FHIP1B: variants seen among roughly 807,000 people sequenced by gnomAD.
The protein encoded by FHIP1B is FHF complex subunit HOOK-interacting protein 1B.
A neutral mutation model predicts 82.2 loss-of-function variants in FHIP1B; 28 were observed. The observed-to-expected ratio is 0.34, with a 90% CI of 0.25 to 0.47. The LOEUF is 0.47. Ranked by LOEUF, FHIP1B falls within the 20% of genes least tolerant of loss-of-function variation. FHIP1B has a pLI of 1.00. For missense variants in FHIP1B, 1,110 were observed against 1,262.6 expected, an observed-to-expected ratio of 0.88 and a Z score of 1.83; for synonymous variants, 585 against 516.1, an observed-to-expected ratio of 1.13 and a Z score of -1.81.
In FHIP1B at chr11:6,218,635, C is replaced by G; in HGVS notation, c.1400G>C (p.Ser467Thr). The G allele has an allele frequency of 1.2e-6, 2 of 1,614,142 alleles. No individual in the cohort carries two copies. The highest frequency in any genetic ancestry group is 3.3e-5 in the Admixed American group (2 of 60,016). ...TGAGGCATGCTCTGGACGAGGTGGGCTGGGGGCGTGGTGCCGACAACAGCG... is the reference window on the plus strand; with the variant it reads ...TGAGGCATGCTCTGGACGAGGTGGGGTGGGGGCGTGGTGCCGACAACAGCG... ...IPRCCRHHAP[S>T]PPRPEHASWA... The change falls in exon 8 of 12, where the codon AGC becomes ACC. Residue 467 changes from serine (S) to threonine (T), a missense_variant. By Grantham distance (58) the Ser-to-Thr change is moderately conservative. Coordinates refer to ENST00000449352, the MANE Select transcript of FHIP1B (RefSeq NM_001098794.2).
Position 6,223,149 on chromosome 11 carries a change from T to G in FHIP1B, c.867A>C (p.Glu289Asp). 6.2e-7 allele frequency: 1 copy of G among 1,608,170 alleles called. No homozygotes were observed. The highest frequency in any genetic ancestry group is 8.5e-7 in the Non-Finnish European group (1 of 1,178,534). ...PGDDWHCLRR[E>D]DWLGVPALAL... ...CAAGGGCTGGCACTCCCAGCCAGTC[T>G]TCCCGTCGCAGACAGTGCCAATCAT... Residue 289 changes from glutamate to aspartate, a missense_variant, in exon 4 of 12, where the codon GAA becomes GAC. Glu to Asp is a conservative substitution (Grantham distance 45). Coordinates refer to ENST00000449352, the MANE Select transcript of FHIP1B (RefSeq NM_001098794.2). This position sits in a 1 kb window ranked among gnomAD's most constrained non-coding sequence, Gnocchi z 4.8.
chr11:6,211,721 T>G lies in FHIP1B; in HGVS notation c.2704A>C (p.Thr902Pro). 6.2e-7 allele frequency: 1 copy of G among 1,614,132 alleles called. No homozygotes were observed. The highest frequency in any genetic ancestry group is 8.5e-7 in the Non-Finnish European group (1 of 1,180,018). Residue 902 changes from threonine (T) to proline (P), a missense_variant, in exon 12 of 12, where the codon ACT (threonine) becomes CCT (proline). This residue lies in a region of FHIP1B where 147 missense variants were observed against 154.0 expected (regional missense o/e 0.95). Transcript: ENST00000449352. The stretch of plus-strand genomic sequence containing the variant: ...CCGCCCCGGGTGAGTAGAACTGGAG[T>G]TGAAGCCCCAGGGGAGCCCCCACTT... ...GLSGGSPGASTPVLLTRGGAP... is the reference protein window; with the variant it reads ...GLSGGSPGASPPVLLTRGGAP...
At position 6,217,756 on chromosome 11, in the gene FHIP1B, C is replaced by T. The variant is rs1847281811; in HGVS notation, c.1830G>A (p.Glu610=). Residue 610 remains glutamate (E), a synonymous_variant, in exon 9 of 12, where the codon GAG becomes GAA. Coordinates refer to ENST00000449352, the MANE Select transcript of FHIP1B (RefSeq NM_001098794.2). ...EEDRNNVGEG[E]EEELGRRGRA... is the part of the protein sequence containing the mutation. ...GCCCCCTCCTCCCCAGCTCTTCCTCCTCCCCTTCCCCCACGTTGTTCCTGT... is the reference window on the plus strand; with the variant it reads ...GCCCCCTCCTCCCCAGCTCTTCCTCTTCCCCTTCCCCCACGTTGTTCCTGT... 1 of 1,606,738 alleles carries T rather than the reference C, an allele frequency of 6.2e-7. No homozygotes were observed. The highest frequency in any genetic ancestry group is 8.5e-7 in the Non-Finnish European group (1 of 1,176,010).
Position 6,211,801 on chromosome 11 carries a change from C to T in FHIP1B, c.2624G>A (p.Arg875Gln), listed in dbSNP as rs766553539. The T allele has an allele frequency of 5.6e-6, 9 of 1,612,724 alleles. No homozygotes were observed. The highest frequency in any genetic ancestry group is 3.3e-5 in the South Asian group (3 of 90,926). Residue 875 changes from arginine (R) to glutamine (Q), a missense_variant, in exon 12 of 12, where the codon CGG (arginine) becomes CAG (glutamine). By Grantham distance (43) the Arg-to-Gln change is conservative. Transcript: ENST00000449352. ...CTGAAGGACCAATTGTGCCGCCTGCCGGGCCCTGGTTGGACTGTGTGCATG... is the reference window on the plus strand; with the variant it reads ...CTGAAGGACCAATTGTGCCGCCTGCTGGGCCCTGGTTGGACTGTGTGCATG... Reference protein sequence around the residue: ...LRHAHSPTRARQAAQLVLQPG... With the variant: ...LRHAHSPTRAQQAAQLVLQPG...
At chr11:6,222,635 G>A in intron 5 of FHIP1B, 26 bp from the exon 6 acceptor site, 3 of 1,611,570 alleles carry the variant, frequency 1.9e-6, no homozygotes, top group Non-Finnish European at 2.5e-6. Context: ...GGAAAGTCTG[G>A]AAATGCACAG....
chr11:6,223,157 G>C lies in FHIP1B; in HGVS notation c.859C>G (p.Arg287Gly). The C allele has an allele frequency of 6.2e-7, 1 of 1,608,664 alleles. No homozygotes were observed. Among genetic ancestry groups the C allele is most frequent in the Non-Finnish European group, 8.5e-7 (1 of 1,178,676 alleles). ...EVPGDDWHCL[R>G]REDWLGVPAL... ...GGCACTCCCAGCCAGTCTTCCCGTC[G>C]CAGACAGTGCCAATCATCCCCTGGA... The change falls in exon 4 of 12, where the codon CGA becomes GGA. Residue 287 changes from arginine (R) to glycine (G), a missense_variant. Around this residue, in one of 6 missense-constraint regions of FHIP1B, gnomAD observed 467 missense variants for 602.9 expected, o/e 0.77. Coordinates refer to ENST00000449352, the MANE Select transcript of FHIP1B (RefSeq NM_001098794.2). The surrounding 1 kb of genome is among the most constrained non-coding windows in gnomAD (Gnocchi z 4.8).
chr11:6,231,367 G>A (rs1324458053), intron 1 of FHIP1B, among the ~76,000 whole-genome samples: 3 of 151,676 alleles, frequency 2.0e-5, no homozygotes, highest in Non-Finnish European at 4.4e-5. Flanking sequence ...TTAATTTTGA[G>A]ATACTTGTGG....
At chr11:6,224,931 G>A (rs1564868349) in intron 1 of FHIP1B, among the ~76,000 whole-genome samples, 1 of 152,120 alleles carries the variant, frequency 6.6e-6, no homozygotes, top group Non-Finnish European at 1.5e-5. Context: ...TAACCTAAAT[G>A]CTCAAGCTGA....
In FHIP1B at chr11:6,223,252, C is replaced by A. The variant is rs946176608; in HGVS notation, c.778-14G>T. ...TGTGGCCAGCACCTATGAGAAGTTA[C>A]CAAAAGCTCATATATAAAATACATT... On this transcript the variant is annotated splice_polypyrimidine_tract_variant and intron_variant, in intron 3 of 11. Transcript: ENST00000449352. This position sits in a 1 kb window ranked among gnomAD's most constrained non-coding sequence, Gnocchi z 4.8. 25 of 1,580,462 alleles carry A rather than the reference C, an allele frequency of 1.6e-5. No individual in the cohort carries two copies. Among genetic ancestry groups the A allele is most frequent in the Non-Finnish European group, 2.0e-5 (24 of 1,171,770 alleles).
At chr11:6,222,703 A>G (rs1283564148) in intron 5 of FHIP1B, 94 bp from the exon 6 acceptor site, 2 of 1,558,706 alleles carry the variant, frequency 1.3e-6, no homozygotes, top group Non-Finnish European at 1.8e-6. Flanking sequence ...AGGAGCAGAC[A>G]GGGCAAAAGG....
rs912109502 is a variant in FHIP1B at position 6,216,029 on chromosome 11, G to GA, written c.2216-1119dup. On this transcript the variant is annotated intron_variant, in intron 9 of 11. Coordinates refer to ENST00000449352, the MANE Select transcript of FHIP1B (RefSeq NM_001098794.2). The stretch of plus-strand genomic sequence containing the variant: ...CCTTTCATTTCCTGGAAGTTTCTTG[G>GA]AAAAAAAAAATTGAAAAGCTCAGAT... Among the ~76,000 whole-genome samples the GA allele has an allele frequency of 2.1e-4, 31 of 149,232 alleles. No homozygotes were observed. In the East Asian group the frequency reaches 2.1e-3, roughly 10 times the overall value.
Position 6,223,919 on chromosome 11 carries a change from G to A in FHIP1B, c.468C>T (p.Leu156=), listed in dbSNP as rs758547432. The A allele has an allele frequency of 2.5e-6, 4 of 1,614,214 alleles. No homozygotes were observed. The highest frequency in any genetic ancestry group is 4.5e-5 in the East Asian group (2 of 44,876). ...GGCGGCCACAGGCATCCAGCAGGGT[G>A]AGCAGAGCCTCACGAACTGGACCAT... ...LRHGPVREAL[L]TLLDACGRPV... The change falls in exon 3 of 12, where the codon CTC becomes CTT. Residue 156 remains leucine, a synonymous_variant. Coordinates refer to ENST00000449352, the MANE Select transcript of FHIP1B (RefSeq NM_001098794.2). The surrounding 1 kb of genome is among the most constrained non-coding windows in gnomAD (Gnocchi z 4.8).
intron 6 of FHIP1B, 65 bp downstream of exon 6, chr11:6,222,377 A>G (rs200051589): frequency 6.0e-5 from 95 of 1,572,040 alleles, no homozygotes; most frequent in Admixed American, 1.5e-4. Flanking sequence ...ATACCCTCCC[A>G]GAACAAAGGT....
At chr11:6,231,176 T>C (rs185839034) in intron 1 of FHIP1B, among the ~76,000 whole-genome samples, 4 of 152,288 alleles carry the variant, frequency 2.6e-5, no homozygotes, top group East Asian at 1.9e-4. Flanking sequence ...AATGGAGATA[T>C]AGAGAAGAGA....
rs778952177 is a variant in FHIP1B, at chr11:6,222,856, G to A, written c.978C>T (p.Ile326=). 1 of 1,614,146 alleles carries A rather than the reference G, an allele frequency of 6.2e-7. No individual in the cohort carries two copies. Among genetic ancestry groups the A allele is most frequent in the Non-Finnish European group, 8.5e-7 (1 of 1,180,026 alleles). The part of the protein sequence containing the change: ...PLVQKQLVDY[I]HNGFLVPVMG... Reference sequence around the variant, plus strand: ...TGACAGGCACCAGGAACCCATTATGGATATAATCAACCAACTGCTTCTGCA... The same window carrying A: ...TGACAGGCACCAGGAACCCATTATGAATATAATCAACCAACTGCTTCTGCA... The change falls in exon 5 of 12, where the codon ATC becomes ATT. Residue 326 remains isoleucine, a synonymous_variant. Transcript: ENST00000449352.
chr11:6,216,993 A>G lies in FHIP1B; in HGVS notation c.2215+378T>C, dbSNP rs1847245781. 6.0e-6 allele frequency: 4 copies of G among 662,892 alleles called. No individual in the cohort carries two copies. The South Asian group carries it at 6.8e-5, about 11-fold the overall frequency. 41.1% of individuals were successfully genotyped at this position (662,892 alleles called of 1,614,324 possible). A position where few individuals can be genotyped will look rare whatever the true frequency, so the allele number is the denominator to read the frequency against. ...AGAGTGTTTAGGTGCCTCTCCATAC[A>G]GGACAGCACATACGTCTTCAATATG... On this transcript the variant is annotated intron_variant, in intron 9 of 11. Coordinates refer to ENST00000449352, the MANE Select transcript of FHIP1B (RefSeq NM_001098794.2).
Position 6,224,209 on chromosome 11 carries a change from G to C in FHIP1B, c.178C>G (p.Pro60Ala). 1 of 1,611,382 alleles carries C rather than the reference G, an allele frequency of 6.2e-7. No homozygotes were observed. ...ILERQGPRAA[P>A]GGADDLSAVR... ...GCACTGAGATCGTCTGCACCCCCAG[G>C]AGCTGCCCGAGGGCCTTGCCGCTCC... Residue 60 changes from proline to alanine, a missense_variant, in exon 3 of 12, where the codon CCT (proline) becomes GCT (alanine). Physicochemically the swap from Pro to Ala is conservative, Grantham distance 27. Coordinates refer to ENST00000449352, the MANE Select transcript of FHIP1B (RefSeq NM_001098794.2).
rs1337434558 is a variant in FHIP1B at position 6,222,865 on chromosome 11, A to C, written c.969T>G (p.Val323=). Reference sequence around the variant, plus strand: ...CCAGGAACCCATTATGGATATAATCAACCAACTGCTTCTGCACCAGGGGGT... The same window carrying C: ...CCAGGAACCCATTATGGATATAATCCACCAACTGCTTCTGCACCAGGGGGT... ...VAHPLVQKQL[V]DYIHNGFLVP... Residue 323 remains valine, a synonymous_variant, in exon 5 of 12, where the codon GTT becomes GTG. Coordinates refer to ENST00000449352, the MANE Select transcript of FHIP1B (RefSeq NM_001098794.2). 25 of 1,614,022 alleles carry C rather than the reference A, an allele frequency of 1.5e-5. No homozygotes were observed. The highest frequency in any genetic ancestry group is 2.0e-5 in the Non-Finnish European group (24 of 1,180,022).
intron 9 of FHIP1B, chr11:6,216,716 C>G (rs1051523224): frequency 3.9e-6 from 1 of 257,200 alleles, no homozygotes; most frequent in Non-Finnish European, 7.5e-6. Flanking sequence ...CTCAGGGCCA[C>G]GCTTTGTCAT....
Sources: allele counts gnomAD v4.1 joint callset (sites outside exome capture counted in the v4.1 genomes callset), GRCh38; gene constraint gnomAD v4.1.1; regional missense constraint gnomAD v4.1.1; non-coding constraint Gnocchi (gnomAD v3.1); transcripts MANE v1.5; gene names NCBI Gene and HGNC (gene_info 2026-07-23, HGNC 2026-07-21).